The following MLN variants were observed in gnomAD, a reference collection of about 807,000 sequenced individuals.
The protein encoded by MLN is promotilin.
In MLN, 14 loss-of-function variants were observed where a neutral mutation model predicts 13.3. The observed-to-expected ratio is 1.05, with a 90% confidence interval of 0.69 to 1.64. The LOEUF is 1.64. Ranked by LOEUF, MLN falls within the 40% of genes most tolerant of loss-of-function variation. The pLI is 0.00. For missense variants in MLN, 122 were observed against 142.9 expected, an observed-to-expected ratio of 0.85 and a Z score of 0.75; for synonymous variants, 59 against 54.7, an observed-to-expected ratio of 1.08 and a Z score of -0.34.
At chr6:33,800,024 C>A (rs1768008482) in intron 2 of MLN, among the ~76,000 whole-genome samples, 1 of 152,132 alleles carries the variant, frequency 6.6e-6, no homozygotes, top group Admixed American at 6.5e-5. Flanking sequence ...GGGCCTGCTG[C>A]AGTACCTACC....
rs775459284 is a variant in MLN at position 33,799,901 on chromosome 6, C to T, written c.118-680G>A. Among the ~76,000 whole-genome samples, 3 of 152,196 alleles carry T rather than the reference C, an allele frequency of 2.0e-5. No homozygotes were observed. Among genetic ancestry groups the T allele is most frequent in the African/African-American group, 7.2e-5 (3 of 41,442 alleles). On this transcript the variant is annotated intron_variant, in intron 2 of 4. Coordinates refer to ENST00000430124, the MANE Select transcript of MLN (RefSeq NM_002418.3). The surrounding 1 kb of genome is among the most constrained non-coding windows in gnomAD (Gnocchi z 4.6). ...GAGCACTGAGATCCTCATTCCTTTGCTTTCTCTAATGACACTCTTGGGACT... is the reference window on the plus strand; with the variant it reads ...GAGCACTGAGATCCTCATTCCTTTGTTTTCTCTAATGACACTCTTGGGACT...
chr6:33,797,439 C>T (rs1476283592), intron 3 of MLN, among the ~76,000 whole-genome samples: 1 of 152,210 alleles, frequency 6.6e-6, no homozygotes, highest in Non-Finnish European at 1.5e-5. Context: ...TGCCTGGATG[C>T]CCAAGAGCAT....
rs537554189 is a variant in MLN, at chr6:33,794,804, A to G, written c.*21T>C. The G allele has an allele frequency of 2.0e-4, 330 of 1,613,286 alleles. No individual in the cohort carries two copies. Among genetic ancestry groups the G allele is most frequent in the Admixed American group, 4.2e-4 (25 of 59,880 alleles). On this transcript the variant is annotated 3_prime_UTR_variant, in exon 5 of 5. Transcript: ENST00000430124. Reference sequence around the variant, plus strand: ...CAGGAGGGGCCTCCCAAATCTGTCCACCTTCTCCCCAGCGTGGCCATCACT... The same window carrying G: ...CAGGAGGGGCCTCCCAAATCTGTCCGCCTTCTCCCCAGCGTGGCCATCACT...
chr6:33,795,786 C>T (rs66670017), intron 3 of MLN, among the ~76,000 whole-genome samples, 181 bp from the exon 4 acceptor site: 18,539 of 151,980 alleles, frequency 0.12, 1,462 homozygotes, highest in Middle Eastern at 0.22. Flanking sequence ...AGGGCTGGAT[C>T]CTGAAGGTCA....
At chr6:33,797,681 C>G (rs1767957413) in intron 3 of MLN, among the ~76,000 whole-genome samples, 2 of 152,146 alleles carry the variant, frequency 1.3e-5, no homozygotes, top group Non-Finnish European at 2.9e-5. Context: ...CTGCCTCCTC[C>G]AAGACCGCCC....
chr6:33,803,235 C>T lies in MLN; in HGVS notation c.-8+718G>A, dbSNP rs1475970690. Reference sequence around the variant, plus strand: ...CCGTCTGCCCTCCCTTGCAGCACCCCTGGCCGGGCTAGCCTTGCCTCCCCA... The same window carrying T: ...CCGTCTGCCCTCCCTTGCAGCACCCTTGGCCGGGCTAGCCTTGCCTCCCCA... On this transcript the variant is annotated intron_variant, in intron 1 of 4. Coordinates refer to ENST00000430124, the MANE Select transcript of MLN (RefSeq NM_002418.3). The surrounding 1 kb of genome is among the most constrained non-coding windows in gnomAD (Gnocchi z 4.5). 6.6e-6 allele frequency among the ~76,000 whole-genome samples: 1 copy of T among 152,076 alleles called. No individual in the cohort carries two copies. Among genetic ancestry groups the T allele is most frequent in the Non-Finnish European group, 1.5e-5 (1 of 68,008 alleles).
At position 33,801,124 on chromosome 6, in the gene MLN, G is replaced by A. The variant is rs1293336042; in HGVS notation, c.40C>T (p.His14Tyr). The A allele has an allele frequency of 1.9e-6, 3 of 1,613,992 alleles. No individual in the cohort carries two copies. The highest frequency in any genetic ancestry group is 1.7e-5 in the Admixed American group (1 of 60,028). The change falls in exon 2 of 5, where the codon CAT (histidine) becomes TAT (tyrosine). Residue 14 changes from histidine to tyrosine, a missense_variant. Coordinates refer to ENST00000430124, the MANE Select transcript of MLN (RefSeq NM_002418.3). Reference protein sequence around the residue: ...RKAVAALLVVHVAAMLASQTE... With the variant: ...RKAVAALLVVYVAAMLASQTE... ...TGGGAGGCCAGCATGGCAGCTACAT[G>A]CACCACCAGCAGAGCAGCCACAGCC... is the stretch of plus-strand genomic sequence containing the variant.
intron 2 of MLN, among the ~76,000 whole-genome samples, chr6:33,800,001 G>A (rs1768007905): frequency 6.6e-6 from 1 of 152,166 alleles, no homozygotes; most frequent in Non-Finnish European, 1.5e-5. Flanking sequence ...CTGGCGTGGA[G>A]GAAAGTGTGT....
chr6:33,799,136 G>T lies in MLN; in HGVS notation c.203C>A (p.Pro68His), dbSNP rs753038378. 2 of 1,610,232 alleles carry T rather than the reference G, an allele frequency of 1.2e-6. No homozygotes were observed. Among genetic ancestry groups the T allele is most frequent in the Admixed American group, 3.3e-5 (2 of 59,914 alleles). The change falls in exon 3 of 5, where the codon CCC (proline) becomes CAC (histidine). Residue 68 changes from proline to histidine, a missense_variant. By Grantham distance (77) the Pro-to-His change is moderately conservative. Transcript: ENST00000430124. This position sits in a 1 kb window ranked among gnomAD's most constrained non-coding sequence, Gnocchi z 4.6. ...GEEGPVDPAEPIREEENEMIK... is the reference protein window; with the variant it reads ...GEEGPVDPAEHIREEENEMIK... ...CATTTCGTTTTCTTCTTCCCTGATGGGCTCCGCAGGGTCTACAGGACCTTC... is the reference window on the plus strand; with the variant it reads ...CATTTCGTTTTCTTCTTCCCTGATGTGCTCCGCAGGGTCTACAGGACCTTC...
chr6:33,801,209 G>A (rs368497614), intron 1 of MLN, 39 bp from the exon 2 acceptor site: 1 of 1,497,094 alleles, frequency 6.7e-7, no homozygotes, highest in African/African-American at 1.4e-5. Flanking sequence ...TAAGTTTGGG[G>A]TACAGTGGCA....
chr6:33,800,733 G>T (rs994803865), intron 2 of MLN, among the ~76,000 whole-genome samples: 1 of 152,260 alleles, frequency 6.6e-6, no homozygotes, highest in Non-Finnish European at 1.5e-5. Flanking sequence ...AGATGGGGAG[G>T]TGCTGAGATT....
chr6:33,795,674 A>C (rs983281993), intron 3 of MLN, 69 bp from the exon 4 acceptor site: 1 of 1,323,714 alleles, frequency 7.6e-7, no homozygotes. Context: ...GGTGCACTAC[A>C]GGTGGCAGGA....
chr6:33,800,941 T>TG, intron 2 of MLN, 106 bp downstream of exon 2: 1 of 850,410 alleles, frequency 1.2e-6, no homozygotes, highest in Non-Finnish European at 2.0e-6. Context: ...TGGCTGGAAC[T>TG]GGGGGTTATC....
At chr6:33,798,998 A>C in intron 3 of MLN, 107 bp downstream of exon 3, 2 of 734,300 alleles carry the variant, frequency 2.7e-6, no homozygotes, top group East Asian at 5.1e-5. Flanking sequence ...GCGATATCCT[A>C]GGACACTCTG....
chr6:33,797,035 G>C (rs368318101), intron 3 of MLN, among the ~76,000 whole-genome samples: 1 of 152,210 alleles, frequency 6.6e-6, no homozygotes, highest in African/African-American at 2.4e-5. Flanking sequence ...GAGTGGATAT[G>C]GGGGGAAAGG....
At position 33,799,083 on chromosome 6, in the gene MLN, T is replaced by C. The variant is rs2127388019; in HGVS notation, c.234+22A>G. ...CATGCCCTGCTCTGAGTTTCTCTCC[T>C]TTGTCCCAGTTGTCTGCTCACCTTG... On this transcript the variant is annotated intron_variant, in intron 3 of 4. Transcript: ENST00000430124. The surrounding 1 kb of genome is among the most constrained non-coding windows in gnomAD (Gnocchi z 4.6). The C allele has an allele frequency of 1.3e-6, 2 of 1,546,808 alleles. No individual in the cohort carries two copies. The highest frequency in any genetic ancestry group is 1.1e-5 in the South Asian group (1 of 88,738).
At chr6:33,802,725 C>T (rs1237576269) in intron 1 of MLN, among the ~76,000 whole-genome samples, 1 of 152,188 alleles carries the variant, frequency 6.6e-6, no homozygotes. Context: ...AAGGACCACC[C>T]GCCCACCCAA....
intron 4 of MLN, among the ~76,000 whole-genome samples, 186 bp downstream of exon 4, chr6:33,795,317 C>T (rs1471160174): frequency 6.6e-6 from 1 of 152,204 alleles, no homozygotes; most frequent in African/African-American, 2.4e-5. Context: ...GCCTGAGACC[C>T]GCCTCCCTGG....
chr6:33,798,764 T>G (rs1468592427), intron 3 of MLN, among the ~76,000 whole-genome samples: 1 of 152,240 alleles, frequency 6.6e-6, no homozygotes, highest in Non-Finnish European at 1.5e-5. Flanking sequence ...TTGCTCCAGC[T>G]GTTTGCACAG....
Sources: gnomAD v4.1 joint callset for allele counts (sites outside exome capture counted in the v4.1 genomes callset) on GRCh38, gnomAD v4.1.1 for gene constraint, Gnocchi (gnomAD v3.1) non-coding constraint, MANE v1.5 for transcripts, NCBI Gene and HGNC (gene_info 2026-07-23, HGNC 2026-07-21) for gene names.